The following NDST4 variants were observed in gnomAD, a reference collection of about 807,000 sequenced individuals.
The protein encoded by NDST4 is N-deacetylase and N-sulfotransferase 4.
Under a neutral mutation model 100.8 loss-of-function variants are expected in NDST4, and 63 were observed. The ratio of observed to expected loss-of-function variants is 0.62; its 90% CI spans 0.51 to 0.77. The LOEUF (loss-of-function observed/expected upper bound fraction) is 0.77. Among genes scored for constraint, NDST4 ranks in the 30% least tolerant of loss-of-function variants. The pLI, the probability that NDST4 is intolerant of heterozygous loss-of-function variation, is 0.00. For missense variants in NDST4, 943 were observed against 1,018.4 expected (o/e 0.93, Z 1.01); for synonymous variants, 377 against 361.8 (o/e 1.04, Z -0.48).
intron 12 of NDST4, among the ~76,000 whole-genome samples, chr4:114,831,702 T>C (rs1560768541): frequency 6.6e-6 from 1 of 152,192 alleles, no homozygotes; most frequent in Non-Finnish European, 1.5e-5. Flanking sequence ...CCCTCCAGAA[T>C]ACCGAAAGTC....
At chr4:114,985,576 A>T (rs1726881804) in intron 2 of NDST4, among the ~76,000 whole-genome samples, 1 of 152,206 alleles carries the variant, frequency 6.6e-6, no homozygotes, top group African/African-American at 2.4e-5. Flanking sequence ...GGCTACATAA[A>T]TTATGCTAGG....
chr4:114,969,934 T>C (rs1235222222), intron 4 of NDST4, among the ~76,000 whole-genome samples: 2 of 152,226 alleles, frequency 1.3e-5, no homozygotes, highest in Non-Finnish European at 2.9e-5. Flanking sequence ...CCACCAGCAG[T>C]GTGTAAGTGT....
rs751431042 is a variant in NDST4 at position 115,102,704 on chromosome 4, C to CT, written c.-247+10739dup. 1.5e-3 allele frequency among the ~76,000 whole-genome samples: 139 copies of CT among 90,564 alleles called. 6 individuals carry two copies. Among genetic ancestry groups the CT allele is most frequent in the East Asian group, 3.2e-3 (9 of 2,842 alleles). The allele number at this position is 90,564 out of a possible 152,430, so 59.4% of individuals were successfully genotyped here. On this transcript the variant is annotated intron_variant, in intron 1 of 13. Coordinates refer to ENST00000264363, the MANE Select transcript of NDST4 (RefSeq NM_022569.3). ...TTATATACCATATACTTCTGACTTC[C>CT]TTTTTTTTTTTTTTTTTTTTTGACA... is the stretch of plus-strand genomic sequence containing the variant.
intron 2 of NDST4, among the ~76,000 whole-genome samples, chr4:115,073,436 C>T (rs566430112): frequency 4.0e-5 from 6 of 151,838 alleles, no homozygotes; most frequent in Admixed American, 6.6e-5. Context: ...AGTGGATAAA[C>T]GGATAAAGAA....
intron 4 of NDST4, among the ~76,000 whole-genome samples, chr4:114,959,236 C>G (rs182028101): frequency 5.2e-4 from 79 of 152,206 alleles, no homozygotes; most frequent in African/African-American, 1.8e-3. Context: ...CTGAGCCTTC[C>G]AAGCTGTTCC....
intron 2 of NDST4, among the ~76,000 whole-genome samples, chr4:114,979,980 T>C (rs1055104016): frequency 6.6e-6 from 1 of 151,748 alleles, no homozygotes; most frequent in Non-Finnish European, 1.5e-5. Context: ...AAAATAACAA[T>C]GAATATACAC....
intron 2 of NDST4, among the ~76,000 whole-genome samples, chr4:115,069,400 T>C (rs1019499769): frequency 1.1e-4 from 16 of 152,076 alleles, no homozygotes; most frequent in Non-Finnish European, 1.3e-4. Flanking sequence ...TTGCAAACTA[T>C]TTATCTGACA....
rs146912191 is a variant in NDST4, at chr4:115,032,578, C to A, written c.978+43481G>T. Among the ~76,000 whole-genome samples, 345 of 152,086 alleles carry A rather than the reference C, an allele frequency of 2.3e-3. 1 individual carries two copies. Among genetic ancestry groups the A allele is most frequent in the African/African-American group, 7.9e-3 (328 of 41,508 alleles). ...ATTTTCTCTTCTTTGCACTGCCTGC[C>A]TCAAAAATTAGAGCTAAAATTGTAT... On this transcript the variant is annotated intron_variant, in intron 2 of 13. Transcript: ENST00000264363.
Position 114,947,179 on chromosome 4 carries a change from G to T in NDST4, c.1222-9676C>A, listed in dbSNP as rs556855997. Among the ~76,000 whole-genome samples the T allele has an allele frequency of 2.6e-5, 4 of 152,164 alleles. No homozygotes were observed. In the South Asian group the frequency reaches 8.3e-4, roughly 32 times the overall value. On this transcript the variant is annotated intron_variant, in intron 4 of 13. Transcript: ENST00000264363. ...ATTAAAGTGAGAACAATTAAACACT[G>T]GTCCAAGACAAATTTAGTTTCAGTA...
intron 2 of NDST4, among the ~76,000 whole-genome samples, chr4:115,033,379 G>C (rs1372180528): frequency 6.6e-6 from 1 of 151,474 alleles, no homozygotes; most frequent in Admixed American, 6.6e-5. Context: ...ACCTCTCAAA[G>C]TGCTGGGATT....
intron 9 of NDST4, among the ~76,000 whole-genome samples, chr4:114,847,800 A>G (rs1723586942): frequency 1.3e-5 from 2 of 152,196 alleles, no homozygotes; most frequent in African/African-American, 2.4e-5. Flanking sequence ...CTTACAGTTT[A>G]TGTGGTTAAT....
rs1578503538 is a variant in NDST4, at chr4:115,076,262, C to G, written c.775G>C (p.Asp259His). 3 of 1,613,948 alleles carry G rather than the reference C, an allele frequency of 1.9e-6. No homozygotes were observed. Among genetic ancestry groups the G allele is most frequent in the Non-Finnish European group, 2.5e-6 (3 of 1,179,928 alleles). The change falls in exon 2 of 14, where the codon GAT (aspartate) becomes CAT (histidine). Residue 259 changes from aspartate (D) to histidine (H), a missense_variant. By Grantham distance (81) the Asp-to-His change is moderately conservative. This residue lies in a region of NDST4 where 417 missense variants were observed against 384.2 expected (regional missense o/e 1.09). Coordinates refer to ENST00000264363, the MANE Select transcript of NDST4 (RefSeq NM_022569.3). ...TGAATTCCATCATGAAGCCCCAGATCCTGAATCACCGTTGCAAAGAGTGTT... is the reference window on the plus strand; with the variant it reads ...TGAATTCCATCATGAAGCCCCAGATGCTGAATCACCGTTGCAAAGAGTGTT... ...SKTLFATVIQDLGLHDGIQRV... is the reference protein window; with the variant it reads ...SKTLFATVIQHLGLHDGIQRV...
intron 2 of NDST4, among the ~76,000 whole-genome samples, chr4:115,046,603 T>A (rs1484298114): frequency 6.6e-6 from 1 of 151,910 alleles, no homozygotes; most frequent in Non-Finnish European, 1.5e-5. Flanking sequence ...CATCAGAATT[T>A]ATTTTTCCCT....
intron 2 of NDST4, among the ~76,000 whole-genome samples, chr4:114,985,988 G>A (rs1197056883): frequency 6.6e-6 from 1 of 152,148 alleles, no homozygotes; most frequent in African/African-American, 2.4e-5. Flanking sequence ...TTGTTACACA[G>A]GATTGGAGGG....
In NDST4 at chr4:114,853,435, G is replaced by A. The variant is rs116445881; in HGVS notation, c.1720-614C>T. Among the ~76,000 whole-genome samples, 1,255 of 152,198 alleles carry A rather than the reference G, an allele frequency of 8.2e-3. 15 individuals are homozygous for A. The highest frequency in any genetic ancestry group is 0.029 in the African/African-American group (1,194 of 41,542). On this transcript the variant is annotated intron_variant, in intron 7 of 13. Coordinates refer to ENST00000264363, the MANE Select transcript of NDST4 (RefSeq NM_022569.3). ...AAATTTCAGACTCAACATACCCAAT[G>A]TATCCATTGGTCCAATATTATGCCC... is the stretch of plus-strand genomic sequence containing the variant.
chr4:114,988,159 A>T (rs1413697761), intron 2 of NDST4, among the ~76,000 whole-genome samples: 1 of 151,980 alleles, frequency 6.6e-6, no homozygotes, highest in African/African-American at 2.4e-5. Flanking sequence ...GATAAATATT[A>T]TAGTATATTT....
intron 1 of NDST4, among the ~76,000 whole-genome samples, chr4:115,101,927 T>C (rs1420190503): frequency 6.6e-6 from 1 of 152,012 alleles, no homozygotes. Flanking sequence ...GTTTTAGCCA[T>C]TAAAAAATGA....
At chr4:115,028,200 G>C (rs929101851) in intron 2 of NDST4, among the ~76,000 whole-genome samples, 1 of 152,096 alleles carries the variant, frequency 6.6e-6, no homozygotes, top group African/African-American at 2.4e-5. Context: ...CTCTTGATTA[G>C]ATGTTGGAAG....
At chr4:115,039,432 A>G (rs1024041147) in intron 2 of NDST4, among the ~76,000 whole-genome samples, 6 of 137,764 alleles carry the variant, frequency 4.4e-5, no homozygotes, top group Non-Finnish European at 7.4e-5. Context: ...CACATTCTAC[A>G]CTGAAAGAAA....
Sources: gnomAD v4.1 joint callset for allele counts (sites outside exome capture counted in the v4.1 genomes callset) on GRCh38, gnomAD v4.1.1 for gene constraint, gnomAD v4.1.1 regional missense constraint, MANE v1.5 for transcripts, NCBI Gene and HGNC (gene_info 2026-07-23, HGNC 2026-07-21) for gene names.